The following SYT17 variants were observed in gnomAD, a reference collection of about 807,000 sequenced individuals.
SYT17 encodes synaptotagmin-17.
Under a neutral mutation model 46.7 loss-of-function variants are expected in SYT17, and 22 were observed. The observed-to-expected ratio is 0.47, with a 90% CI of 0.34 to 0.67. The LOEUF (loss-of-function observed/expected upper bound fraction) is 0.67, where lower values mean the gene tolerates loss of function less well. Among genes scored for constraint, SYT17 ranks in the 30% least tolerant of loss-of-function variants. The pLI is 0.01. For missense variants in SYT17, 519 were observed against 612.8 expected (o/e 0.85, Z 1.62); for synonymous variants, 251 against 248.4 (o/e 1.01, Z -0.10).
At chr16:19,227,392 T>A (rs1296187469) in intron 7 of SYT17, among the ~76,000 whole-genome samples, 3 of 150,974 alleles carry the variant, frequency 2.0e-5, no homozygotes, top group Non-Finnish European at 4.4e-5. Context: ...CTCGGCTCAC[T>A]GCAAGCTCTA....
intron 7 of SYT17, among the ~76,000 whole-genome samples, chr16:19,260,295 G>C (rs1371313133): frequency 7.8e-6 from 1 of 128,960 alleles, no homozygotes; most frequent in African/African-American, 3.0e-5. Flanking sequence ...TTAGAGACCA[G>C]CCTGAGCAAC....
intron 7 of SYT17, among the ~76,000 whole-genome samples, chr16:19,241,147 C>T (rs1319475011): frequency 1.3e-5 from 2 of 151,626 alleles, no homozygotes; most frequent in Non-Finnish European, 2.9e-5. Flanking sequence ...CGGGGTTTCA[C>T]CGTTTTAGCC....
chr16:19,186,064 C>T (rs184541427), intron 5 of SYT17, among the ~76,000 whole-genome samples: 1 of 152,310 alleles, frequency 6.6e-6, no homozygotes, highest in East Asian at 1.9e-4. Flanking sequence ...GGGCCTGTTT[C>T]AGGTCACTGC....
chr16:19,259,710 T>G (rs8045829), intron 7 of SYT17, among the ~76,000 whole-genome samples: 99,829 of 151,412 alleles, frequency 0.66, 33,551 homozygotes, highest in East Asian at 0.99. Flanking sequence ...CCACACTCCA[T>G]ATTATACAGG....
chr16:19,257,515 C>T (rs732999), intron 7 of SYT17, among the ~76,000 whole-genome samples: 107,527 of 152,036 alleles, frequency 0.71, 39,080 homozygotes, highest in East Asian at 0.99. Flanking sequence ...GGACCACCTG[C>T]GTTGCAGTGT....
intron 7 of SYT17, among the ~76,000 whole-genome samples, chr16:19,230,791 CT>C (rs1451707846): frequency 6.6e-6 from 1 of 152,154 alleles, no homozygotes; most frequent in African/African-American, 2.4e-5. Context: ...GCTTCCTCAC[CT>C]GTAAAATGGG....
chr16:19,183,743 T>C lies in SYT17; in HGVS notation c.547T>C (p.Tyr183His), dbSNP rs1964655355. 2.5e-6 allele frequency: 4 copies of C among 1,614,196 alleles called. No homozygotes were observed. The highest frequency in any genetic ancestry group is 3.4e-6 in the Non-Finnish European group (4 of 1,180,030). ...SLTDEEILSK[Y>H]QLGMLHFSTQ... ...GACAGACGAGGAGATCCTGTCCAAG[T>C]ACCAGCTGGGCATGCTGCACTTCAG... The change falls in exon 5 of 8, where the codon TAC becomes CAC. Residue 183 changes from tyrosine (Y) to histidine (H), a missense_variant. Transcript: ENST00000355377. This position sits in a 1 kb window ranked among gnomAD's most constrained non-coding sequence, Gnocchi z 5.6.
At chr16:19,209,324 A>G (rs1965799744) in intron 5 of SYT17, among the ~76,000 whole-genome samples, 1 of 152,224 alleles carries the variant, frequency 6.6e-6, no homozygotes, top group Admixed American at 6.5e-5. Context: ...AATTAATAAG[A>G]GAAAGACAAA....
chr16:19,265,974 A>G (rs569723258), intron 7 of SYT17, among the ~76,000 whole-genome samples: 1 of 152,378 alleles, frequency 6.6e-6, no homozygotes, highest in African/African-American at 2.4e-5. Flanking sequence ...AAAGGTCAAC[A>G]GACAGAAATT....
intron 5 of SYT17, among the ~76,000 whole-genome samples, chr16:19,188,732 G>A (rs536724916): frequency 1.6e-4 from 24 of 152,240 alleles, no homozygotes; most frequent in African/African-American, 5.3e-4. Context: ...TAGCAGAGTC[G>A]TGTTCCCTCT....
At position 19,181,914 on chromosome 16, in the gene SYT17, G is replaced by A. The variant is rs187955787; in HGVS notation, c.331+1375G>A. On this transcript the variant is annotated intron_variant, in intron 4 of 7. Transcript: ENST00000355377. ...CCTGGGAGGCTGAGGCAGGAGAATC[G>A]GTTGAACCCGGGAGGTGGAGGTTGC... Among the ~76,000 whole-genome samples the A allele has an allele frequency of 1.9e-4, 29 of 151,662 alleles. No homozygotes were observed. In the East Asian group the frequency reaches 3.1e-3, roughly 16 times the overall value.
chr16:19,204,892 G>A (rs1017837423), intron 5 of SYT17, among the ~76,000 whole-genome samples: 1 of 151,906 alleles, frequency 6.6e-6, no homozygotes, highest in East Asian at 1.9e-4. Flanking sequence ...TTGCTCCTCC[G>A]CCGGTGTTCC....
chr16:19,176,162 TG>T (rs1158367517), intron 3 of SYT17, among the ~76,000 whole-genome samples: 2 of 152,244 alleles, frequency 1.3e-5, no homozygotes, highest in African/African-American at 2.4e-5. Flanking sequence ...TTTCTTTCTC[TG>T]TTTCTTCTGT....
rs1964680578 is a variant in SYT17, at chr16:19,184,109, G to A, written c.913G>A (p.Gly305Ser). The A allele has an allele frequency of 3.7e-6, 6 of 1,614,176 alleles. No individual in the cohort carries two copies. In the East Asian group the frequency reaches 1.3e-4, roughly 36 times the overall value. Residue 305 changes from glycine to serine, a missense_variant, in exon 5 of 8, where the codon GGC (glycine) becomes AGC (serine). By Grantham distance (56) the Gly-to-Ser change is moderately conservative. Coordinates refer to ENST00000355377, the MANE Select transcript of SYT17 (RefSeq NM_016524.4). ...VPLCEVDLVK[G>S]GHWWKALIPS... Reference sequence around the variant, plus strand: ...TTTGTGTGAAGTTGACCTGGTCAAGGGCGGGCACTGGTGGAAGGCGCTGAT... The same window carrying A: ...TTTGTGTGAAGTTGACCTGGTCAAGAGCGGGCACTGGTGGAAGGCGCTGAT...
At chr16:19,224,929 T>A in intron 7 of SYT17, 91 bp downstream of exon 7, 1 of 1,454,394 alleles carries the variant, frequency 6.9e-7, no homozygotes, top group Non-Finnish European at 9.4e-7. Context: ...AGAGTTACAT[T>A]TAAGAACGTA....
intron 7 of SYT17, among the ~76,000 whole-genome samples, chr16:19,231,598 C>T (rs556084749): frequency 6.7e-6 from 1 of 149,390 alleles, no homozygotes; most frequent in African/African-American, 2.5e-5. Flanking sequence ...CAAGAGGCGG[C>T]CCTTGGCTAA....
intron 5 of SYT17, among the ~76,000 whole-genome samples, chr16:19,201,770 A>C (rs1450164434): frequency 6.6e-6 from 1 of 152,002 alleles, no homozygotes; most frequent in African/African-American, 2.4e-5. Context: ...GACAGACCCA[A>C]GTTCCAGCCC....
intron 7 of SYT17, among the ~76,000 whole-genome samples, chr16:19,263,928 A>C (rs923972361): frequency 1.3e-5 from 2 of 152,172 alleles, no homozygotes; most frequent in Non-Finnish European, 2.9e-5. Context: ...CCACCCTGCC[A>C]AATTTGTATG....
At chr16:19,198,798 T>C (rs1965352890) in intron 5 of SYT17, among the ~76,000 whole-genome samples, 1 of 152,230 alleles carries the variant, frequency 6.6e-6, no homozygotes, top group Non-Finnish European at 1.5e-5. Flanking sequence ...TAATGTGAAC[T>C]TCCTACTGGT....
Sources: gnomAD v4.1 joint callset for allele counts (sites outside exome capture counted in the v4.1 genomes callset) on GRCh38, gnomAD v4.1.1 for gene constraint, Gnocchi (gnomAD v3.1) non-coding constraint, MANE v1.5 for transcripts, NCBI Gene and HGNC (gene_info 2026-07-23, HGNC 2026-07-21) for gene names.